APPL2: variants seen among roughly 807,000 people sequenced by gnomAD.
APPL2 encodes DCC-interacting protein 13-beta.
A neutral mutation model predicts 92.7 loss-of-function variants in APPL2; 84 were observed. The ratio of observed to expected loss-of-function variants is 0.91; its 90% CI spans 0.76 to 1.09. The LOEUF is 1.09. Among genes scored for constraint, APPL2 ranks in the 50% least tolerant of loss-of-function variants. The probability of loss-of-function intolerance (pLI) is 0.00; values close to 1 mark genes in which losing one functional copy is unlikely to be tolerated. For missense variants in APPL2, 736 were observed against 824.5 expected (o/e 0.89, Z 1.31); for synonymous variants, 291 against 291.0 (o/e 1.00, Z 0.00).
chr12:105,187,479 C>G (rs1305163418), intron 17 of APPL2, among the ~76,000 whole-genome samples: 1 of 152,106 alleles, frequency 6.6e-6, no homozygotes, highest in Non-Finnish European at 1.5e-5. Flanking sequence ...TGCTTAAGGT[C>G]ACATAACTAA....
chr12:105,180,038 C>T (rs972490801), intron 17 of APPL2, among the ~76,000 whole-genome samples: 1 of 152,182 alleles, frequency 6.6e-6, no homozygotes, highest in South Asian at 2.1e-4. Flanking sequence ...TCATCATGAA[C>T]TCTTTGCCCA....
chr12:105,174,761 A>G (rs1285606762), intron 20 of APPL2, among the ~76,000 whole-genome samples: 1 of 151,996 alleles, frequency 6.6e-6, no homozygotes, highest in Non-Finnish European at 1.5e-5. Flanking sequence ...CTCACGTTTA[A>G]TCTATACCAG....
intron 14 of APPL2, among the ~76,000 whole-genome samples, chr12:105,194,625 C>T (rs1413575997): frequency 2.6e-5 from 4 of 151,914 alleles, no homozygotes; most frequent in Non-Finnish European, 4.4e-5. Flanking sequence ...TGGGAAGTGG[C>T]GGTTGCAGTG....
At chr12:105,186,640 T>TATATC (rs1566056099) in intron 17 of APPL2, among the ~76,000 whole-genome samples, 5 of 126,256 alleles carry the variant, frequency 4.0e-5, no homozygotes, top group African/African-American at 1.4e-4. Context: ...ATATATCATA[T>TATATC]ATATGATATC....
Position 105,176,870 on chromosome 12 carries a change from A to G in APPL2, c.1812+6T>C, listed in dbSNP as rs1047495707. On this transcript the variant is annotated splice_donor_region_variant and intron_variant, in intron 19 of 20. Transcript: ENST00000258530. ...ATATTATGGGATCTTCACATGAAAA[A>G]GAGACCTTTTCGCCTTCTGAGTTGC... The G allele has an allele frequency of 9.9e-6, 16 of 1,613,230 alleles. No individual in the cohort carries two copies. The highest frequency in any genetic ancestry group is 1.7e-5 in the Admixed American group (1 of 59,740).
intron 5 of APPL2, 110 bp from the exon 6 acceptor site, chr12:105,208,309 C>CT: frequency 9.2e-6 from 12 of 1,301,758 alleles, no homozygotes; most frequent in South Asian, 1.2e-5. Flanking sequence ...AGGGAAGCCC[C>CT]TGCACCCTCA....
chr12:105,216,992 TG>T, intron 4 of APPL2, 76 bp downstream of exon 4: 1 of 1,053,786 alleles, frequency 9.5e-7, no homozygotes, highest in Non-Finnish European at 1.4e-6. Flanking sequence ...AATTTAAAAA[TG>T]GAAAGTGGGC....
At chr12:105,178,454 T>C (rs1885769436) in intron 17 of APPL2, among the ~76,000 whole-genome samples, 1 of 152,134 alleles carries the variant, frequency 6.6e-6, no homozygotes, top group Non-Finnish European at 1.5e-5. Flanking sequence ...AAATTGATTG[T>C]GATGATGGTT....
At chr12:105,185,512 C>T (rs1310519701) in intron 17 of APPL2, among the ~76,000 whole-genome samples, 1 of 151,954 alleles carries the variant, frequency 6.6e-6, no homozygotes, top group Non-Finnish European at 1.5e-5. Flanking sequence ...AGTTCCCCGA[C>T]CCCTTGTGCT....
intron 8 of APPL2, among the ~76,000 whole-genome samples, chr12:105,204,827 C>T (rs1037989316): frequency 2.0e-5 from 3 of 152,098 alleles, no homozygotes; most frequent in Non-Finnish European, 4.4e-5. Context: ...GAAAAGTGGG[C>T]GAATGGATGA....
At chr12:105,180,630 CT>C (rs1886026529) in intron 17 of APPL2, among the ~76,000 whole-genome samples, 1 of 152,168 alleles carries the variant, frequency 6.6e-6, no homozygotes, top group Non-Finnish European at 1.5e-5. Context: ...TTTGTGTCCT[CT>C]CTTATTTCCT....
intron 20 of APPL2, among the ~76,000 whole-genome samples, chr12:105,174,653 T>C (rs1378569632): frequency 1.3e-5 from 2 of 152,164 alleles, no homozygotes; most frequent in Admixed American, 1.3e-4. Context: ...AGCCAAAATA[T>C]TGTTTACGTA....
At chr12:105,189,751 G>A (rs375529328) in intron 16 of APPL2, 21 bp downstream of exon 16, 8 of 1,612,816 alleles carry the variant, frequency 5.0e-6, no homozygotes, top group Middle Eastern at 1.6e-4. Flanking sequence ...AAAGAATAAG[G>A]ACACCAAACT....
At chr12:105,186,667 T>TATC (rs1886707358) in intron 17 of APPL2, among the ~76,000 whole-genome samples, 19 of 33,146 alleles carry the variant, frequency 5.7e-4, no homozygotes, top group African/African-American at 3.3e-4. Flanking sequence ...ATATATATCA[T>TATC]ATATATGATA....
intron 11 of APPL2, 105 bp from the exon 12 acceptor site, chr12:105,195,732 T>C (rs1009428126): frequency 1.1e-5 from 14 of 1,274,874 alleles, no homozygotes; most frequent in Admixed American, 8.5e-5. Flanking sequence ...AAAAGTGCCA[T>C]GAAGGCAGCA....
intron 2 of APPL2, among the ~76,000 whole-genome samples, chr12:105,227,364 T>C (rs1449698348): frequency 6.6e-6 from 1 of 152,192 alleles, no homozygotes; most frequent in Admixed American, 6.5e-5. Flanking sequence ...CCCTGTACTC[T>C]GGATCTGAAC....
intron 11 of APPL2, 124 bp from the exon 12 acceptor site, chr12:105,195,751 G>T: frequency 9.2e-7 from 1 of 1,092,234 alleles, no homozygotes; most frequent in East Asian, 2.4e-5. Context: ...CATGATGAGA[G>T]GGAAAGAAAA....
In APPL2 at chr12:105,208,979, A is replaced by C. The variant is rs148144543; in HGVS notation, c.374-780T>G. Among the ~76,000 whole-genome samples, 148 of 152,302 alleles carry C rather than the reference A, an allele frequency of 9.7e-4. 4 individuals are homozygous for C. In the East Asian group the frequency reaches 0.026, roughly 27 times the overall value. Reference sequence around the variant, plus strand: ...TATACTAGTTTTCAATTTGCCTCCAAACTGCCTCCAGCTTTTAAATGCTCT... The same window carrying C: ...TATACTAGTTTTCAATTTGCCTCCACACTGCCTCCAGCTTTTAAATGCTCT... On this transcript the variant is annotated intron_variant, in intron 5 of 20. Coordinates refer to ENST00000258530, the MANE Select transcript of APPL2 (RefSeq NM_018171.5).
At chr12:105,229,065 T>C (rs1890728291) in intron 2 of APPL2, 60 bp downstream of exon 2, 1 of 1,412,772 alleles carries the variant, frequency 7.1e-7, no homozygotes, top group African/African-American at 1.4e-5. Flanking sequence ...CTGAGGGAAG[T>C]TCAGGATGAG....
Sources: gnomAD v4.1 joint callset for allele counts (sites outside exome capture counted in the v4.1 genomes callset) on GRCh38, gnomAD v4.1.1 for gene constraint, MANE v1.5 for transcripts, NCBI Gene and HGNC (gene_info 2026-07-23, HGNC 2026-07-21) for gene names.